The following MYSM1 variants were observed in gnomAD, a reference collection of about 807,000 sequenced individuals.
MYSM1 encodes the protein Myb like, SWIRM and MPN domains 1, also known as deubiquitinase MYSM1.
In MYSM1, 51 loss-of-function variants were observed where a neutral mutation model predicts 116.0. The ratio of observed to expected loss-of-function variants is 0.44; its 90% CI spans 0.35 to 0.56. The LOEUF is 0.56. Among genes scored for constraint, MYSM1 ranks in the 20% least tolerant of loss-of-function variants. The pLI, the probability that MYSM1 is intolerant of heterozygous loss-of-function variation, is 0.00. For synonymous variants in MYSM1, 313 were observed against 315.2 expected, an observed-to-expected ratio of 0.99 and a Z score of 0.07; for missense variants, 900 against 974.9, an observed-to-expected ratio of 0.92 and a Z score of 1.02.
At position 58,658,994 on chromosome 1, in the gene MYSM1, C is replaced by CACACACACAA. The variant is rs1231087626; in HGVS notation, c.*1002_*1003insTTGTGTGTGT. On this transcript the variant is annotated 3_prime_UTR_variant, in exon 20 of 20. Transcript: ENST00000472487. ...ACACACACACACACACACACACACACAAAGAAGAATGTCTCATAGACATCA... is the reference window on the plus strand; with the variant it reads ...ACACACACACACACACACACACACACACACACACAAAAAGAAGAATGTCTCATAGACATCA... 3 of 150,532 alleles carry CACACACACAA rather than the reference C, an allele frequency of 2.0e-5. No homozygotes were observed. In the East Asian group the frequency reaches 5.8e-4, roughly 29 times the overall value. The allele number at this position is 150,532 out of a possible 1,614,324, so 9.3% of individuals were successfully genotyped here. A position where few individuals can be genotyped will look rare whatever the true frequency, so the allele number is the denominator to read the frequency against.
At chr1:58,661,987 T>C (rs1644399629) in intron 17 of MYSM1, among the ~76,000 whole-genome samples, 1 of 151,402 alleles carries the variant, frequency 6.6e-6, no homozygotes, top group South Asian at 2.1e-4. Context: ...TTTTAACAGG[T>C]GAGAAAACTG....
At chr1:58,668,890 A>C in intron 13 of MYSM1, 94 bp downstream of exon 13, 1 of 1,033,268 alleles carries the variant, frequency 9.7e-7, no homozygotes, top group Non-Finnish European at 1.4e-6. Flanking sequence ...CTTTTTATAC[A>C]TATGCCTTGC....
intron 1 of MYSM1, among the ~76,000 whole-genome samples, chr1:58,699,436 A>G (rs544660250): frequency 8.5e-5 from 13 of 152,346 alleles, no homozygotes; most frequent in African/African-American, 2.6e-4. Flanking sequence ...CCAAGGTCAC[A>G]TTGCTATTAA....
At chr1:58,661,093 A>T in intron 19 of MYSM1, 77 bp downstream of exon 19, 1 of 1,042,984 alleles carries the variant, frequency 9.6e-7, no homozygotes, top group Non-Finnish European at 1.5e-6. Context: ...AGTATTAGGC[A>T]TCATGGGAAA....
intron 1 of MYSM1, among the ~76,000 whole-genome samples, chr1:58,696,821 A>C (rs4912373): frequency 0.39 from 58,958 of 151,990 alleles, 11,573 homozygotes; most frequent in Middle Eastern, 0.56. Flanking sequence ...GGTACTCAAT[A>C]AAAATTTGTT....
intron 17 of MYSM1, among the ~76,000 whole-genome samples, chr1:58,662,172 G>C (rs931271233): frequency 1.3e-5 from 2 of 151,992 alleles, no homozygotes; most frequent in African/African-American, 2.4e-5. Flanking sequence ...CAACTGCTTT[G>C]AGTCAAAGTT....
rs1644509538 is a variant in MYSM1, at chr1:58,668,664, C to G, written c.1735G>C (p.Val579Leu). The G allele has an allele frequency of 6.2e-7, 1 of 1,606,208 alleles. No homozygotes were observed. The highest frequency in any genetic ancestry group is 8.5e-7 in the Non-Finnish European group (1 of 1,175,958). ...ATTATTAAAAGTGCTTCTGAAGCCA[C>G]TTTCACCTGAAATGGCTCCTGAAAT... The part of the protein sequence containing the change: ...EEKQEPFQVK[V>L]ASEALLIMDL... The change falls in exon 14 of 20, where the codon GTG becomes CTG. Residue 579 changes from valine (V) to leucine (L), a missense_variant. Transcript: ENST00000472487.
At chr1:58,687,013 A>G (rs926991180) in intron 6 of MYSM1, among the ~76,000 whole-genome samples, 1 of 151,870 alleles carries the variant, frequency 6.6e-6, no homozygotes, top group Non-Finnish European at 1.5e-5. Context: ...AATATTCACC[A>G]GTTTCAAAAT....
chr1:58,660,800 T>C (rs1644379233), intron 19 of MYSM1, among the ~76,000 whole-genome samples: 1 of 152,112 alleles, frequency 6.6e-6, no homozygotes, highest in South Asian at 2.1e-4. Flanking sequence ...AAAATGACTA[T>C]TTAAATTTAA....
At chr1:58,673,533 C>A (rs775496872) in intron 11 of MYSM1, 40 bp downstream of exon 11, 1 of 1,519,594 alleles carries the variant, frequency 6.6e-7, no homozygotes. Flanking sequence ...TATTTAAAAA[C>A]CAGTTTTCAT....
chr1:58,698,468 A>G (rs11803186), intron 1 of MYSM1, among the ~76,000 whole-genome samples: 58,758 of 151,648 alleles, frequency 0.39, 11,524 homozygotes, highest in Middle Eastern at 0.56. Context: ...ATCAGGAACC[A>G]ATAACCTTTG....
rs528983033 is a variant in MYSM1 at position 58,685,628 on chromosome 1, C to CTGTGCTATGATCTG, written c.400-378_400-377insCAGATCATAGCACA. ...TTACATTTTCCATTTATACGATCAA[C>CTGTGCTATGATCTG]TGAACATGTTCTGTGCTAATTTCAA... On this transcript the variant is annotated intron_variant, in intron 6 of 19. Transcript: ENST00000472487. 3.4e-3 allele frequency among the ~76,000 whole-genome samples: 524 copies of CTGTGCTATGATCTG among 152,324 alleles called. 3 individuals are homozygous for CTGTGCTATGATCTG. The highest frequency in any genetic ancestry group is 6.2e-3 in the Non-Finnish European group (423 of 68,018).
chr1:58,681,978 G>A lies in MYSM1; in HGVS notation c.1066C>T (p.Leu356Phe). The change falls in exon 8 of 20, where the codon CTT becomes TTT. Residue 356 changes from leucine to phenylalanine, a missense_variant. Physicochemically the swap from Leu to Phe is conservative, Grantham distance 22 (BLOSUM62 0). This residue lies in a region of MYSM1 where 622 missense variants were observed against 623.7 expected (regional missense o/e 1.00). Coordinates refer to ENST00000472487, the MANE Select transcript of MYSM1 (RefSeq NM_001085487.3). ...TCTACCATTTGGCAAGAATGAAAAA[G>A]CATTTCATTATCATTCAAATTTTTC... ...IQKNLNDNEM[L>F]FHSCQMVEES... The A allele has an allele frequency of 1.2e-6, 2 of 1,613,994 alleles. No homozygotes were observed. Among genetic ancestry groups the A allele is most frequent in the Non-Finnish European group, 1.7e-6 (2 of 1,179,996 alleles).
chr1:58,658,257 C>T lies in MYSM1; in HGVS notation c.*1740G>A, dbSNP rs2100577844. On this transcript the variant is annotated 3_prime_UTR_variant, in exon 20 of 20. Transcript: ENST00000472487. ...GTATAGTTCCTCTTACACTCTCAGC[C>T]CTCAAACTAATTGTTTTATAAGCTA... 6.6e-6 allele frequency: 1 copy of T among 152,140 alleles called. No individual in the cohort carries two copies. The highest frequency in any genetic ancestry group is 2.1e-4 in the South Asian group (1 of 4,830). 9.4% of individuals were successfully genotyped at this position (152,140 alleles called of 1,614,324 possible). A position where few individuals can be genotyped will look rare whatever the true frequency, so the allele number is the denominator to read the frequency against.
At position 58,698,084 on chromosome 1, in the gene MYSM1, C is replaced by CTATATATATATATATATATATA. The variant is rs374389099; in HGVS notation, c.68+1900_68+1901insTATATATATATATATATATATA. 1.1e-3 allele frequency among the ~76,000 whole-genome samples: 35 copies of CTATATATATATATATATATATA among 31,392 alleles called. 7 individuals are homozygous for CTATATATATATATATATATATA. The highest frequency in any genetic ancestry group is 2.5e-3 in the African/African-American group (20 of 7,854). The allele number at this position is 31,392 out of a possible 152,430, so 20.6% of individuals were successfully genotyped here. On this transcript the variant is annotated intron_variant, in intron 1 of 19. Coordinates refer to ENST00000472487, the MANE Select transcript of MYSM1 (RefSeq NM_001085487.3). ...ACACCACTGGACACTATTTATCAGA[C>CTATATATATATATATATATATA]TATATATATATATATATATTTTTTT...
chr1:58,666,373 C>T lies in MYSM1; in HGVS notation c.2031+665G>A, dbSNP rs527280409. On this transcript the variant is annotated intron_variant, in intron 16 of 19. Coordinates refer to ENST00000472487, the MANE Select transcript of MYSM1 (RefSeq NM_001085487.3). ...AAAAAATACATTATGTTTCTTATTA[C>T]TTCAGTTGTATCTAGTCCCTGTCCT... 1.9e-3 allele frequency among the ~76,000 whole-genome samples: 287 copies of T among 152,198 alleles called. 1 individual carries two copies. Among genetic ancestry groups the T allele is most frequent in the African/African-American group, 6.6e-3 (275 of 41,528 alleles).
chr1:58,668,742 C>T (rs1054782863), intron 13 of MYSM1, 60 bp from the exon 14 acceptor site: 2 of 1,472,848 alleles, frequency 1.4e-6, no homozygotes, highest in Non-Finnish European at 1.9e-6. Context: ...TTTGTTTTCC[C>T]CACCTGGAAT....
At chr1:58,668,013 G>T in intron 14 of MYSM1, 92 bp from the exon 15 acceptor site, 1 of 875,270 alleles carries the variant, frequency 1.1e-6, no homozygotes, top group Non-Finnish European at 2.0e-6. Context: ...TCATTTGTAA[G>T]TATAGCCATC....
intron 16 of MYSM1, among the ~76,000 whole-genome samples, chr1:58,666,445 A>G (rs1406864046): frequency 1.3e-5 from 2 of 152,078 alleles, no homozygotes; most frequent in African/African-American, 4.8e-5. Flanking sequence ...TTTACCAGTG[A>G]TACATTCATG....
Sources: allele counts gnomAD v4.1 joint callset (sites outside exome capture counted in the v4.1 genomes callset), GRCh38; gene constraint gnomAD v4.1.1; regional missense constraint gnomAD v4.1.1; transcripts MANE v1.5; gene names NCBI Gene and HGNC (gene_info 2026-07-23, HGNC 2026-07-21).